ABCA13: variants seen among roughly 807,000 people sequenced by gnomAD.
The protein encoded by ABCA13 is ATP binding cassette subfamily A member 13, also known as ATP-binding cassette sub-family A member 13.
Under a neutral mutation model 478.7 loss-of-function variants are expected in ABCA13, and 476 were observed. That is an observed-to-expected ratio of 0.99 (90% CI 0.92 to 1.07). The LOEUF is 1.07. Among genes scored for constraint, ABCA13 ranks in the 50% least tolerant of loss-of-function variants. The pLI is 0.00. For synonymous variants in ABCA13, 2,252 were observed against 2,158.9 expected, an observed-to-expected ratio of 1.04 and a Z score of -1.20; for missense variants, 6,060 against 5,910.6, an observed-to-expected ratio of 1.03 and a Z score of -0.83.
At chr7:48,294,452 T>G (rs1005704954) in intron 20 of ABCA13, among the ~76,000 whole-genome samples, 4 of 148,432 alleles carry the variant, frequency 2.7e-5, no homozygotes, top group Non-Finnish European at 6.0e-5. Flanking sequence ...GTTTTGTTTT[T>G]TTTTTGAGAC....
At chr7:48,336,855 G>A (rs1053457815) in intron 28 of ABCA13, among the ~76,000 whole-genome samples, 1 of 152,140 alleles carries the variant, frequency 6.6e-6, no homozygotes, top group African/African-American at 2.4e-5. Context: ...GCAGTTAATG[G>A]GACAGATAGT....
rs544522218 is a variant in ABCA13, at chr7:48,379,473, A to T, written c.11335+2901A>T. On this transcript the variant is annotated intron_variant, in intron 35 of 61. Coordinates refer to ENST00000435803, the MANE Select transcript of ABCA13 (RefSeq NM_152701.5). ...GTCTTAAAATTAATGTAATTTAAAA[A>T]TTTTAATATAAAAGAGAAATAGAAA... Among the ~76,000 whole-genome samples, 6 of 152,290 alleles carry T rather than the reference A, an allele frequency of 3.9e-5. No homozygotes were observed. In the East Asian group the frequency reaches 7.7e-4, roughly 20 times the overall value.
chr7:48,398,423 CT>C (rs1173166202), intron 38 of ABCA13, among the ~76,000 whole-genome samples: 2 of 152,176 alleles, frequency 1.3e-5, no homozygotes, highest in Non-Finnish European at 2.9e-5. Context: ...GGATGGTAGT[CT>C]TCAATTAGAG....
rs1179061615 is a variant in ABCA13, at chr7:48,513,500, A to G, written c.13640+2301A>G. Among the ~76,000 whole-genome samples the G allele has an allele frequency of 2.0e-5, 3 of 152,330 alleles. No homozygotes were observed. In the South Asian group the frequency reaches 6.2e-4, roughly 32 times the overall value. ...TAACTTACATAAAGATGGAAACCTT[A>G]AGAACATATTTGATGTATATTTACC... On this transcript the variant is annotated intron_variant, in intron 51 of 61. Coordinates refer to ENST00000435803, the MANE Select transcript of ABCA13 (RefSeq NM_152701.5).
At chr7:48,582,160 C>T (rs1788767946) in intron 56 of ABCA13, among the ~76,000 whole-genome samples, 1 of 152,128 alleles carries the variant, frequency 6.6e-6, no homozygotes, top group African/African-American at 2.4e-5. Flanking sequence ...GCCACTTGCC[C>T]ATGTTCACAT....
chr7:48,239,597 G>A (rs995670850), intron 9 of ABCA13, among the ~76,000 whole-genome samples, 192 bp downstream of exon 9: 43 of 152,168 alleles, frequency 2.8e-4, no homozygotes, highest in Admixed American at 5.2e-4. Context: ...AGCTCCATAG[G>A]CCTAGGCCCT....
intron 34 of ABCA13, 146 bp from the exon 35 acceptor site, chr7:48,376,295 A>G (rs2163938): frequency 0.84 from 695,549 of 825,260 alleles, 294,400 homozygotes; most frequent in African/African-American, 0.97. Flanking sequence ...ATTTCATGAA[A>G]AGTTATGGCC....
chr7:48,562,136 CT>C (rs1472445440), intron 55 of ABCA13, among the ~76,000 whole-genome samples: 9 of 151,362 alleles, frequency 5.9e-5, no homozygotes, highest in Middle Eastern at 3.4e-3. Context: ...GTTTGCCTGC[CT>C]TTTTTTTCTT....
intron 1 of ABCA13, among the ~76,000 whole-genome samples, chr7:48,185,311 A>G (rs1796215028): frequency 6.6e-6 from 1 of 152,208 alleles, no homozygotes; most frequent in African/African-American, 2.4e-5. Flanking sequence ...TTTAATTACT[A>G]TTACAGAAAG....
intron 55 of ABCA13, among the ~76,000 whole-genome samples, chr7:48,556,567 T>A (rs1785848681): frequency 6.6e-6 from 1 of 152,062 alleles, no homozygotes; most frequent in Non-Finnish European, 1.5e-5. Flanking sequence ...ACCTTCTTTG[T>A]CTCTTCTTAT....
chr7:48,519,026 C>T (rs1832337743), intron 52 of ABCA13, among the ~76,000 whole-genome samples: 1 of 151,882 alleles, frequency 6.6e-6, no homozygotes. Flanking sequence ...CATGCGTTCT[C>T]ATTGCTCAGC....
rs1392027590 is a variant in ABCA13 at position 48,272,161 on chromosome 7, C to G, written c.2495C>G (p.Pro832Arg). 6.2e-7 allele frequency: 1 copy of G among 1,612,820 alleles called. No homozygotes were observed. The highest frequency in any genetic ancestry group is 2.2e-5 in the East Asian group (1 of 44,844). ...GAATTAATACTTTTTGAAATTAATC[C>G]CAAATTACTAGAATTATGGGCCTAT... ...FIELILFEIN[P>R]KLLELWAYGI... The change falls in exon 17 of 62, where the codon CCC becomes CGC. Residue 832 changes from proline to arginine, a missense_variant. Physicochemically the swap from Pro to Arg is moderately radical, Grantham distance 103. Coordinates refer to ENST00000435803, the MANE Select transcript of ABCA13 (RefSeq NM_152701.5).
At chr7:48,545,183 C>T (rs1408294343) in intron 55 of ABCA13, among the ~76,000 whole-genome samples, 1 of 151,816 alleles carries the variant, frequency 6.6e-6, no homozygotes, top group Non-Finnish European at 1.5e-5. Flanking sequence ...TGCAGCTCTG[C>T]ATGTGGAGAA....
intron 28 of ABCA13, among the ~76,000 whole-genome samples, chr7:48,338,007 A>G (rs555130944): frequency 1.3e-5 from 2 of 152,352 alleles, no homozygotes; most frequent in East Asian, 3.9e-4. Flanking sequence ...CTCTGTTTAC[A>G]ACTGGCCTCT....
chr7:48,386,736 C>G (rs1269433986), intron 35 of ABCA13, among the ~76,000 whole-genome samples: 1 of 152,090 alleles, frequency 6.6e-6, no homozygotes, highest in Admixed American at 6.6e-5. Flanking sequence ...AAAATTAATT[C>G]AAGATGGATT....
rs181024772 is a variant in ABCA13 at position 48,277,686 on chromosome 7, G to A, written c.6900-408G>A. Among the ~76,000 whole-genome samples, 148 of 152,254 alleles carry A rather than the reference G, an allele frequency of 9.7e-4. 1 individual carries two copies. Among genetic ancestry groups the A allele is most frequent in the Middle Eastern group, 3.4e-3 (1 of 294 alleles). ...TAGTCATGTTGATACATCTGTCTGAGCAATTTGCTAGTACTTCTAAAGCTC... is the reference window on the plus strand; with the variant it reads ...TAGTCATGTTGATACATCTGTCTGAACAATTTGCTAGTACTTCTAAAGCTC... On this transcript the variant is annotated intron_variant, in intron 17 of 61. Coordinates refer to ENST00000435803, the MANE Select transcript of ABCA13 (RefSeq NM_152701.5).
Position 48,412,404 on chromosome 7 carries a change from C to G in ABCA13, c.12280C>G (p.Leu4094Val). 1 of 1,613,498 alleles carries G rather than the reference C, an allele frequency of 6.2e-7. No individual in the cohort carries two copies. The highest frequency in any genetic ancestry group is 8.5e-7 in the Non-Finnish European group (1 of 1,179,786). The change falls in exon 41 of 62, where the codon CTG (leucine) becomes GTG (valine). Residue 4094 changes from leucine (L) to valine (V), a missense_variant. This residue lies in a region of ABCA13 where 1,627 missense variants were observed against 1,571.0 expected (regional missense o/e 1.04). Transcript: ENST00000435803. ...DLKDMACVTS[L>V]IKIYIPQAFL... Reference sequence around the variant, plus strand: ...GAAAGACATGGCTTGTGTTACATCCCTGATAAAGATCTATATTCCACAAGC... The same window carrying G: ...GAAAGACATGGCTTGTGTTACATCCGTGATAAAGATCTATATTCCACAAGC...
chr7:48,412,333 T>C lies in ABCA13; in HGVS notation c.12229-20T>C. 6.3e-7 allele frequency: 1 copy of C among 1,584,302 alleles called. No homozygotes were observed. The highest frequency in any genetic ancestry group is 2.3e-5 in the East Asian group (1 of 44,336). On this transcript the variant is annotated intron_variant, in intron 40 of 61. Coordinates refer to ENST00000435803, the MANE Select transcript of ABCA13 (RefSeq NM_152701.5). ...TTAACATTCCTTACTGGCTTCTTTTTTCCTTTTTTTTATGGATAGCCTTCT... is the reference window on the plus strand; with the variant it reads ...TTAACATTCCTTACTGGCTTCTTTTCTCCTTTTTTTTATGGATAGCCTTCT...
At chr7:48,295,612 CTG>C in intron 20 of ABCA13, 86 bp from the exon 21 acceptor site, 2 of 1,519,878 alleles carry the variant, frequency 1.3e-6, no homozygotes, top group Non-Finnish European at 1.8e-6. Context: ...TGATTGTTCT[CTG>C]TGTTTCCTGA....
Sources: gnomAD v4.1 joint callset for allele counts (sites outside exome capture counted in the v4.1 genomes callset) on GRCh38, gnomAD v4.1.1 for gene constraint, gnomAD v4.1.1 regional missense constraint, MANE v1.5 for transcripts, NCBI Gene and HGNC (gene_info 2026-07-23, HGNC 2026-07-21) for gene names.